MSRA: variants seen among roughly 807,000 people sequenced by gnomAD.
The protein encoded by MSRA is mitochondrial peptide methionine sulfoxide reductase.
In MSRA, 54 loss-of-function variants were observed where a neutral mutation model predicts 31.3. That is an observed-to-expected ratio of 1.73 (90% CI 1.39 to 2.17). The LOEUF (loss-of-function observed/expected upper bound fraction) is 2.17. Ranked by LOEUF, MSRA falls within the 30% of genes most tolerant of loss-of-function variation. The probability of loss-of-function intolerance (pLI) is 0.00; values close to 1 mark genes in which losing one functional copy is unlikely to be tolerated. For synonymous variants in MSRA, 169 were observed against 116.5 expected (o/e 1.45, Z -2.90); for missense variants, 507 against 300.9 (o/e 1.69, Z -5.07).
intron 5 of MSRA, among the ~76,000 whole-genome samples, chr8:10,363,472 T>C (rs1425552459): frequency 6.6e-6 from 1 of 152,078 alleles, no homozygotes; most frequent in African/African-American, 2.4e-5. Flanking sequence ...GGAGTTCCCT[T>C]AGCACGTGAT....
At chr8:10,117,192 A>T (rs747695655) in intron 1 of MSRA, among the ~76,000 whole-genome samples, 46 of 152,166 alleles carry the variant, frequency 3.0e-4, no homozygotes, top group Non-Finnish European at 5.3e-4. Context: ...CTAAGTAGGC[A>T]TGCCTACTTT....
intron 2 of MSRA, among the ~76,000 whole-genome samples, chr8:10,242,022 A>G (rs1373699117): frequency 2.6e-5 from 4 of 152,192 alleles, no homozygotes; most frequent in South Asian, 2.1e-4. Context: ...CTGTAATCCC[A>G]GCACTTTGGG....
At chr8:10,221,495 C>T (rs1810497583) in intron 2 of MSRA, among the ~76,000 whole-genome samples, 2 of 151,874 alleles carry the variant, frequency 1.3e-5, no homozygotes, top group South Asian at 4.2e-4. Context: ...AAAACTAAGG[C>T]TCAGAGACAT....
intron 5 of MSRA, among the ~76,000 whole-genome samples, chr8:10,392,148 G>A (rs191801984): frequency 1.3e-5 from 2 of 152,316 alleles, no homozygotes; most frequent in Non-Finnish European, 1.5e-5. Flanking sequence ...TTTCTGTGTG[G>A]CAATGAACAT....
intron 5 of MSRA, among the ~76,000 whole-genome samples, chr8:10,422,227 C>T (rs1008666377): frequency 2.6e-5 from 4 of 152,262 alleles, no homozygotes; most frequent in South Asian, 2.1e-4. Flanking sequence ...TAGGGCCTGC[C>T]ATCAACCATG....
chr8:10,117,214 A>G (rs2129016253), intron 1 of MSRA, among the ~76,000 whole-genome samples: 1 of 152,192 alleles, frequency 6.6e-6, no homozygotes, highest in East Asian at 1.9e-4. Context: ...TTGAGTTCCT[A>G]GGTTTGATTT....
At chr8:10,229,228 G>A (rs113548001) in intron 2 of MSRA, among the ~76,000 whole-genome samples, 25 of 112,692 alleles carry the variant, frequency 2.2e-4, no homozygotes, top group Non-Finnish European at 5.0e-4. Context: ...GACCTGGCTG[G>A]TGATACTGAG....
At chr8:10,289,312 C>A (rs982039731) in intron 3 of MSRA, among the ~76,000 whole-genome samples, 1 of 151,954 alleles carries the variant, frequency 6.6e-6, no homozygotes, top group Non-Finnish European at 1.5e-5. Context: ...TGCACCCAGC[C>A]TTCTTTTTAA....
chr8:10,316,527 C>CTCTCTCT (rs1801726307), intron 4 of MSRA, among the ~76,000 whole-genome samples: 29 of 112,548 alleles, frequency 2.6e-4, no homozygotes, highest in African/African-American at 7.7e-4. Flanking sequence ...TTTGATGATC[C>CTCTCTCT]CTCTCTCTCT....
At chr8:10,148,107 G>T (rs1057405277) in intron 1 of MSRA, among the ~76,000 whole-genome samples, 1 of 152,146 alleles carries the variant, frequency 6.6e-6, no homozygotes, top group Non-Finnish European at 1.5e-5. Context: ...TGGGCAGAAA[G>T]GGCTCCTCTC....
chr8:10,426,920 G>A (rs540041502), intron 5 of MSRA, among the ~76,000 whole-genome samples: 1 of 152,288 alleles, frequency 6.6e-6, no homozygotes, highest in Non-Finnish European at 1.5e-5. Context: ...TGAGCTGGCT[G>A]GTCTAACCCA....
At chr8:10,269,842 G>A (rs1305176194) in intron 3 of MSRA, among the ~76,000 whole-genome samples, 3 of 152,146 alleles carry the variant, frequency 2.0e-5, no homozygotes, top group East Asian at 1.9e-4. Flanking sequence ...TAGTAGAGAC[G>A]GGGTTTCACC....
At chr8:10,379,987 T>A (rs773921742) in intron 5 of MSRA, among the ~76,000 whole-genome samples, 20 of 152,184 alleles carry the variant, frequency 1.3e-4, no homozygotes, top group Non-Finnish European at 2.5e-4. Flanking sequence ...GGGCCTACAA[T>A]GAGCTAGAGA....
intron 3 of MSRA, among the ~76,000 whole-genome samples, chr8:10,280,195 T>A (rs946483589): frequency 6.6e-6 from 1 of 152,178 alleles, no homozygotes; most frequent in Non-Finnish European, 1.5e-5. Flanking sequence ...TGCTTTCTTT[T>A]TTTTTCTGAT....
At chr8:10,085,947 C>T (rs1478662069) in intron 1 of MSRA, among the ~76,000 whole-genome samples, 2 of 152,182 alleles carry the variant, frequency 1.3e-5, no homozygotes, top group Non-Finnish European at 2.9e-5. Context: ...TCCTTAGTGG[C>T]AGCAGATAGA....
At chr8:10,060,525 TTGTAA>T (rs1235561254) in intron 1 of MSRA, among the ~76,000 whole-genome samples, 5 of 152,240 alleles carry the variant, frequency 3.3e-5, no homozygotes, top group Non-Finnish European at 2.9e-5. Flanking sequence ...AACTTGCTTC[TTGTAA>T]TGTGACTGCA....
chr8:10,406,137 G>A (rs1473215243), intron 5 of MSRA, among the ~76,000 whole-genome samples: 5 of 152,212 alleles, frequency 3.3e-5, no homozygotes, highest in Admixed American at 2.6e-4. Context: ...CCCTGTATCC[G>A]ACTCCCAGGC....
chr8:10,085,465 C>A (rs1041324507), intron 1 of MSRA, among the ~76,000 whole-genome samples: 1 of 152,196 alleles, frequency 6.6e-6, no homozygotes, highest in Admixed American at 6.5e-5. Context: ...CCTGTTTCTG[C>A]AACTGGAAGA....
rs1185365151 is a variant in MSRA at position 10,261,935 on chromosome 8, T to A, written c.331+16712T>A. ...TGATAGTTCCGCCTTTTCCAGAATG[T>A]CAAGCAGCTGTGTGATTCGAGAATG... On this transcript the variant is annotated intron_variant, in intron 3 of 5. Transcript: ENST00000317173. Among the ~76,000 whole-genome samples, 6 of 152,322 alleles carry A rather than the reference T, an allele frequency of 3.9e-5. No individual in the cohort carries two copies. In the East Asian group the frequency reaches 1.2e-3, roughly 29 times the overall value.
Sources: allele counts gnomAD v4.1 joint callset (sites outside exome capture counted in the v4.1 genomes callset), GRCh38; gene constraint gnomAD v4.1.1; transcripts MANE v1.5; gene names NCBI Gene and HGNC (gene_info 2026-07-23, HGNC 2026-07-21).